Variants in CYP27C1 observed in about 807,000 individuals in gnomAD.
CYP27C1 encodes the protein cytochrome P450 family 27 subfamily C member 1.
In CYP27C1, 29 loss-of-function variants were observed where a neutral mutation model predicts 40.6. The ratio of observed to expected loss-of-function variants is 0.71; its 90% confidence interval spans 0.53 to 0.97. The LOEUF is 0.97. CYP27C1 is among the 50% of genes least tolerant of loss of function. The probability of loss-of-function intolerance (pLI) is 0.00; values close to 1 mark genes in which losing one functional copy is unlikely to be tolerated. For missense variants in CYP27C1, 390 were observed against 485.8 expected, an observed-to-expected ratio of 0.80 and a Z score of 1.85; for synonymous variants, 198 against 186.8, an observed-to-expected ratio of 1.06 and a Z score of -0.49.
rs1481275600 is a variant in CYP27C1 at position 127,219,621 on chromosome 2, C to T, written c.282+368G>A. On this transcript the variant is annotated intron_variant, in intron 1 of 8. Coordinates refer to ENST00000664447, the MANE Select transcript of CYP27C1 (RefSeq NM_001367502.1). This position sits in a 1 kb window ranked among gnomAD's most constrained non-coding sequence, Gnocchi z 8.7. Reference sequence around the variant, plus strand: ...GCCACCTCCCGAGACACCCATTTCCCCCGCCTCTTCCCAGCCGTTCCTTTC... The same window carrying T: ...GCCACCTCCCGAGACACCCATTTCCTCCGCCTCTTCCCAGCCGTTCCTTTC... Among the ~76,000 whole-genome samples, 1 of 151,956 alleles carries T rather than the reference C, an allele frequency of 6.6e-6. No individual in the cohort carries two copies. Among genetic ancestry groups the T allele is most frequent in the Non-Finnish European group, 1.5e-5 (1 of 67,934 alleles).
At position 127,201,309 on chromosome 2, in the gene CYP27C1, C is replaced by G. The variant is rs769506327; in HGVS notation, c.696G>C (p.Glu232Asp). 5 of 1,614,098 alleles carry G rather than the reference C, an allele frequency of 3.1e-6. No individual in the cohort carries two copies. The South Asian group carries it at 5.5e-5, about 18-fold the overall frequency. ...SMEGVATILY[E>D]SRLGCLENSI... Reference sequence around the variant, plus strand: ...TGTTTTCCAGGCAGCCCAAACGACTCTCATAAAGGATGGTGGCCACTCCTA... The same window carrying G: ...TGTTTTCCAGGCAGCCCAAACGACTGTCATAAAGGATGGTGGCCACTCCTA... The change falls in exon 4 of 9, where the codon GAG becomes GAC. Residue 232 changes from glutamate to aspartate, a missense_variant. Transcript: ENST00000664447. The surrounding 1 kb of genome is among the most constrained non-coding windows in gnomAD (Gnocchi z 6.0).
intron 8 of CYP27C1, among the ~76,000 whole-genome samples, chr2:127,192,620 G>T (rs1573891675): frequency 7.1e-5 from 1 of 14,176 alleles, no homozygotes; most frequent in Non-Finnish European, 1.6e-4. Flanking sequence ...TGCCTTTCCC[G>T]GGGGGGGGGG....
At chr2:127,197,995 G>A (rs766563036) in intron 5 of CYP27C1, among the ~76,000 whole-genome samples, 5 of 152,110 alleles carry the variant, frequency 3.3e-5, no homozygotes, top group Non-Finnish European at 7.4e-5. Flanking sequence ...GGAGGGGGCG[G>A]TGCCGCTGCA....
chr2:127,203,026 G>A (rs979918288), intron 3 of CYP27C1, among the ~76,000 whole-genome samples: 1 of 152,052 alleles, frequency 6.6e-6, no homozygotes, highest in Admixed American at 6.5e-5. Flanking sequence ...AAATTAGCCG[G>A]GAGTGGTGGC....
chr2:127,190,237 A>G (rs1228661463), intron 8 of CYP27C1, among the ~76,000 whole-genome samples: 2 of 151,494 alleles, frequency 1.3e-5, no homozygotes, highest in Non-Finnish European at 2.9e-5. Flanking sequence ...TTGGCAAAAA[A>G]ACTGTTTTAG....
At position 127,200,133 on chromosome 2, in the gene CYP27C1, C is replaced by T. The variant is rs189069115; in HGVS notation, c.884-594G>A. 5.5e-3 allele frequency among the ~76,000 whole-genome samples: 838 copies of T among 152,324 alleles called. 1 individual carries two copies. Among genetic ancestry groups the T allele is most frequent in the Middle Eastern group, 0.014 (4 of 294 alleles). On this transcript the variant is annotated intron_variant, in intron 4 of 8. Transcript: ENST00000664447. The surrounding 1 kb of genome is among the most constrained non-coding windows in gnomAD (Gnocchi z 4.2). ...TAGCTGGAATTACAGGCACGCGCCA[C>T]CACGCCCAGCTAATTTTTGTATTTT...
intron 8 of CYP27C1, among the ~76,000 whole-genome samples, chr2:127,189,121 T>C (rs1381251796): frequency 6.6e-6 from 1 of 152,026 alleles, no homozygotes; most frequent in Non-Finnish European, 1.5e-5. Context: ...GTGGTTTGTT[T>C]GTTGAAAAAA....
chr2:127,206,290 CGTTTGTTTGTTTGTTT>C (rs72517050), intron 1 of CYP27C1, among the ~76,000 whole-genome samples, 200 bp from the exon 2 acceptor site: 1 of 150,034 alleles, frequency 6.7e-6, no homozygotes, highest in Non-Finnish European at 1.5e-5. Context: ...TTGTTGTTTC[CGTTTGTTTGTTTGTTT>C]GTTTGTTTGT....
At position 127,219,214 on chromosome 2, in the gene CYP27C1, G is replaced by C. The variant is rs1052861811; in HGVS notation, c.282+775C>G. Among the ~76,000 whole-genome samples the C allele has an allele frequency of 6.6e-6, 1 of 152,076 alleles. No individual in the cohort carries two copies. Among genetic ancestry groups the C allele is most frequent in the Non-Finnish European group, 1.5e-5 (1 of 67,986 alleles). ...CTCCGCAGAGCCTAGAGGAGCTAGGGAACCTAGCGCTCCCCTCGGGCCGGC... is the reference window on the plus strand; with the variant it reads ...CTCCGCAGAGCCTAGAGGAGCTAGGCAACCTAGCGCTCCCCTCGGGCCGGC... On this transcript the variant is annotated intron_variant, in intron 1 of 8. Transcript: ENST00000664447. This position sits in a 1 kb window ranked among gnomAD's most constrained non-coding sequence, Gnocchi z 8.7.
intron 1 of CYP27C1, among the ~76,000 whole-genome samples, 38 bp from the exon 2 acceptor site, chr2:127,206,128 C>T (rs1364555086): frequency 6.6e-6 from 1 of 152,222 alleles, no homozygotes; most frequent in East Asian, 1.9e-4. Flanking sequence ...GGAAAAAATA[C>T]ATAGATATGA....
chr2:127,191,930 G>A (rs926295360), intron 8 of CYP27C1, among the ~76,000 whole-genome samples: 2 of 152,208 alleles, frequency 1.3e-5, no homozygotes, highest in African/African-American at 4.8e-5. Context: ...CCCTGAGCCA[G>A]TGGGGGTTCT....
At chr2:127,203,654 T>G in intron 2 of CYP27C1, 83 bp from the exon 3 acceptor site, 2 of 1,457,172 alleles carry the variant, frequency 1.4e-6, no homozygotes, top group Non-Finnish European at 1.9e-6. Context: ...AGAAAAAATT[T>G]CAGCCATAAA....
At chr2:127,197,279 T>A (rs544015322) in intron 5 of CYP27C1, among the ~76,000 whole-genome samples, 10 of 152,378 alleles carry the variant, frequency 6.6e-5, no homozygotes, top group Admixed American at 2.6e-4. Context: ...TACTTTTTGT[T>A]TTATTGTTGC....
At chr2:127,199,111 C>T (rs111669184) in intron 5 of CYP27C1, among the ~76,000 whole-genome samples, 1 of 152,120 alleles carries the variant, frequency 6.6e-6, no homozygotes, top group Non-Finnish European at 1.5e-5. Flanking sequence ...ATGGTGAAAC[C>T]CCCGTTGCTA....
rs554608006 is a variant in CYP27C1, at chr2:127,212,467, C to A, written c.283-6377G>T. Among the ~76,000 whole-genome samples the A allele has an allele frequency of 3.3e-5, 5 of 152,330 alleles. No individual in the cohort carries two copies. In the South Asian group the frequency reaches 8.3e-4, roughly 25 times the overall value. ...AGCAACCCATCAAAAAACTTATCCA[C>A]CACGATCAATCAGCTTCATCCCTGG... On this transcript the variant is annotated intron_variant, in intron 1 of 8. Coordinates refer to ENST00000664447, the MANE Select transcript of CYP27C1 (RefSeq NM_001367502.1).
chr2:127,191,744 G>A (rs1558925448), intron 8 of CYP27C1, among the ~76,000 whole-genome samples: 1 of 152,246 alleles, frequency 6.6e-6, no homozygotes, highest in Non-Finnish European at 1.5e-5. Flanking sequence ...CCAGCAAGTG[G>A]CAGAACTGAG....
intron 2 of CYP27C1, chr2:127,205,600 G>T (rs1391268283): frequency 2.4e-6 from 2 of 838,828 alleles, no homozygotes; most frequent in African/African-American, 1.8e-5. Flanking sequence ...GTCTGCCTCG[G>T]TTATCACTGA....
rs144027386 is a variant in CYP27C1 at position 127,199,449 on chromosome 2, A to C, written c.974T>G (p.Phe325Cys). ...RVSGGLLTYL[F>C]LSQALTLQEI... ...CTGCAGCGTCAGAGCCTGGCTAAGG[A>C]AGAGGTATGTGAGAAGTCCCCCGCT... Residue 325 changes from phenylalanine (F) to cysteine (C), a missense_variant, in exon 5 of 9, where the codon TTC becomes TGC. By Grantham distance (205) the Phe-to-Cys change is radical. Coordinates refer to ENST00000664447, the MANE Select transcript of CYP27C1 (RefSeq NM_001367502.1). 2.6e-4 allele frequency: 413 copies of C among 1,614,196 alleles called. 4 individuals are homozygous for C. The African/African-American group carries it at 5.1e-3, about 20-fold the overall frequency.
intron 8 of CYP27C1, among the ~76,000 whole-genome samples, chr2:127,192,621 G>C (rs898577003): frequency 6.6e-5 from 1 of 15,094 alleles, no homozygotes; most frequent in African/African-American, 2.1e-4. Flanking sequence ...GCCTTTCCCG[G>C]GGGGGGGGGC....
Sources: allele counts gnomAD v4.1 joint callset (sites outside exome capture counted in the v4.1 genomes callset), GRCh38; gene constraint gnomAD v4.1.1; non-coding constraint Gnocchi (gnomAD v3.1); transcripts MANE v1.5; gene names NCBI Gene and HGNC (gene_info 2026-07-23, HGNC 2026-07-21).